Variants in AK9 observed in about 807,000 individuals in gnomAD.
AK9 encodes the protein adenylate kinase domain containing 1.
A neutral mutation model predicts 239.6 loss-of-function variants in AK9; 191 were observed. That is an observed-to-expected ratio of 0.80 (90% confidence interval 0.71 to 0.90). AK9 has a LOEUF of 0.90. Ranked by LOEUF, AK9 falls within the 40% of genes least tolerant of loss-of-function variation. The pLI is 0.00. For synonymous variants in AK9, 689 were observed against 721.0 expected, an observed-to-expected ratio of 0.96 and a Z score of 0.71; for missense variants, 1,995 against 2,214.7, an observed-to-expected ratio of 0.90 and a Z score of 1.99.
In AK9 at chr6:109,586,028, A is replaced by G. The variant is rs1022841901; in HGVS notation, c.1887T>C (p.Tyr629=). 4.5e-6 allele frequency: 7 copies of G among 1,551,342 alleles called. No homozygotes were observed. Among genetic ancestry groups the G allele is most frequent in the Non-Finnish European group, 5.2e-6 (6 of 1,146,896 alleles). ...NKDRFPGAPK[Y]GGWIVDNCPI... ...GGCAGTTGTCCACAATCCAGCCTCC[A>G]TATTTTGGGGCACCAGGAAACCTAT... Residue 629 remains tyrosine (Y), a synonymous_variant, in exon 18 of 41, where the codon TAT becomes TAC. Coordinates refer to ENST00000424296, the MANE Select transcript of AK9 (RefSeq NM_001145128.3).
chr6:109,642,554 T>C (rs1797585967), intron 9 of AK9, among the ~76,000 whole-genome samples: 2 of 152,298 alleles, frequency 1.3e-5, no homozygotes, highest in South Asian at 4.1e-4. Flanking sequence ...CTTCACAGGT[T>C]TGGCAAGTTC....
At chr6:109,600,112 A>G (rs1398745719) in intron 17 of AK9, among the ~76,000 whole-genome samples, 1 of 152,098 alleles carries the variant, frequency 6.6e-6, no homozygotes, top group Non-Finnish European at 1.5e-5. Context: ...TTCCAACACT[A>G]TGTTGAATAG....
chr6:109,622,795 C>G (rs1280893214), intron 12 of AK9, among the ~76,000 whole-genome samples: 1 of 151,560 alleles, frequency 6.6e-6, no homozygotes, highest in East Asian at 1.9e-4. Flanking sequence ...CAATTATCTA[C>G]ATATCTTTGA....
At chr6:109,504,043 T>C (rs1332858247) in intron 35 of AK9, among the ~76,000 whole-genome samples, 2 of 152,174 alleles carry the variant, frequency 1.3e-5, no homozygotes, top group Non-Finnish European at 2.9e-5. Context: ...TATCTCCTGA[T>C]TAGAGTTGCT....
At chr6:109,533,225 T>C (rs773943629) in intron 28 of AK9, 26 bp downstream of exon 28, 1 of 1,541,552 alleles carries the variant, frequency 6.5e-7, no homozygotes, top group Non-Finnish European at 8.8e-7. Context: ...ACAGATTTAT[T>C]CAATGCATTT....
intron 10 of AK9, among the ~76,000 whole-genome samples, chr6:109,639,826 T>C (rs995678208): frequency 6.6e-6 from 1 of 152,222 alleles, no homozygotes; most frequent in African/African-American, 2.4e-5. Flanking sequence ...AATTTTTGTA[T>C]AAGGTGTAAG....
At chr6:109,524,809 T>C (rs895953276) in intron 29 of AK9, among the ~76,000 whole-genome samples, 4 of 152,064 alleles carry the variant, frequency 2.6e-5, no homozygotes, top group Non-Finnish European at 5.9e-5. Flanking sequence ...TGTTAGTGGG[T>C]TGGAGATGGG....
chr6:109,585,704 C>T (rs960245453), intron 18 of AK9, among the ~76,000 whole-genome samples: 5 of 152,188 alleles, frequency 3.3e-5, no homozygotes, highest in Admixed American at 6.5e-5. Flanking sequence ...AAAATTACAA[C>T]GGCCAGCTAG....
At chr6:109,566,371 C>T (rs1015363016) in intron 21 of AK9, among the ~76,000 whole-genome samples, 5 of 151,910 alleles carry the variant, frequency 3.3e-5, no homozygotes, top group Admixed American at 2.0e-4. Flanking sequence ...ACAAAATCGA[C>T]GAAGCAAAAG....
intron 32 of AK9, among the ~76,000 whole-genome samples, chr6:109,513,338 C>T (rs1280040453): frequency 1.3e-5 from 2 of 151,580 alleles, no homozygotes; most frequent in African/African-American, 4.8e-5. Context: ...ACTGTATGAA[C>T]CATATTCCTT....
chr6:109,550,986 G>C (rs545577606), intron 24 of AK9, among the ~76,000 whole-genome samples: 14 of 151,540 alleles, frequency 9.2e-5, no homozygotes, highest in Non-Finnish European at 1.8e-4. Context: ...TACTATGTTA[G>C]CATTCTTAAT....
intron 19 of AK9, among the ~76,000 whole-genome samples, chr6:109,580,043 T>C (rs1562442457): frequency 6.6e-6 from 1 of 152,172 alleles, no homozygotes; most frequent in Non-Finnish European, 1.5e-5. Flanking sequence ...TAAATGAGGA[T>C]TAAAAGTCTA....
chr6:109,501,482 T>C (rs1390756784), intron 35 of AK9, among the ~76,000 whole-genome samples: 9 of 152,180 alleles, frequency 5.9e-5, no homozygotes, highest in Admixed American at 5.9e-4. Context: ...GAAAGGAACA[T>C]ACACAACATG....
chr6:109,642,354 T>C (rs576730619), intron 9 of AK9, among the ~76,000 whole-genome samples: 6 of 152,314 alleles, frequency 3.9e-5, no homozygotes, highest in South Asian at 4.1e-4. Context: ...GATAGTGAGA[T>C]AGCCAAAATC....
chr6:109,493,239 G>A lies in AK9; in HGVS notation c.*130C>T. The A allele has an allele frequency of 1.1e-6, 1 of 880,350 alleles. No homozygotes were observed. Among genetic ancestry groups the A allele is most frequent in the South Asian group, 1.7e-5 (1 of 58,342 alleles). 54.5% of individuals were successfully genotyped at this position (880,350 alleles called of 1,614,324 possible). ...GACCTTTGAGTTCACCTGAAGTCTG[G>A]CAGCCATGGTACCTTGCTCAGGAGG... On this transcript the variant is annotated 3_prime_UTR_variant, in exon 41 of 41. Coordinates refer to ENST00000424296, the MANE Select transcript of AK9 (RefSeq NM_001145128.3).
chr6:109,530,204 C>T (rs1339253254), intron 28 of AK9, among the ~76,000 whole-genome samples: 1 of 152,124 alleles, frequency 6.6e-6, no homozygotes, highest in Admixed American at 6.6e-5. Context: ...CCTTTAAATA[C>T]CGGGAAGATA....
At chr6:109,640,061 T>C (rs1797207395) in intron 10 of AK9, among the ~76,000 whole-genome samples, 1 of 152,220 alleles carries the variant, frequency 6.6e-6, no homozygotes, top group East Asian at 1.9e-4. Flanking sequence ...CCTTGTAGTA[T>C]AGTTTGAAGT....
chr6:109,493,860 A>C, intron 40 of AK9, 121 bp downstream of exon 40: 1 of 770,730 alleles, frequency 1.3e-6, no homozygotes, highest in Non-Finnish European at 2.1e-6. Flanking sequence ...TGTATTTGCT[A>C]CTAACACTCT....
chr6:109,542,253 A>G (rs763874009), intron 26 of AK9, 82 bp from the exon 27 acceptor site: 1 of 1,318,916 alleles, frequency 7.6e-7, no homozygotes, highest in African/African-American at 1.5e-5. Context: ...TGTGAAAGTT[A>G]AAGAGGAGGA....
Sources: gnomAD v4.1 joint callset for allele counts (sites outside exome capture counted in the v4.1 genomes callset) on GRCh38, gnomAD v4.1.1 for gene constraint, MANE v1.5 for transcripts, NCBI Gene and HGNC (gene_info 2026-07-23, HGNC 2026-07-21) for gene names.